The following INSYN2B variants were observed in gnomAD, a reference collection of about 807,000 sequenced individuals.
INSYN2B encodes protein INSYN2B.
Under a neutral mutation model 41.2 loss-of-function variants are expected in INSYN2B, and 16 were observed. The observed-to-expected ratio is 0.39, with a 90% CI of 0.26 to 0.59. INSYN2B has a LOEUF of 0.59. INSYN2B is among the 20% of genes least tolerant of loss of function. The probability of loss-of-function intolerance (pLI) is 0.57; values close to 1 mark genes in which losing one functional copy is unlikely to be tolerated. For synonymous variants in INSYN2B, 245 were observed against 244.4 expected (o/e 1.00, Z -0.02); for missense variants, 608 against 646.4 (o/e 0.94, Z 0.64).
In INSYN2B at chr5:169,895,594, T is replaced by C. The variant is rs550619994; in HGVS notation, c.-918-10778A>G. 7.9e-5 allele frequency among the ~76,000 whole-genome samples: 12 copies of C among 152,178 alleles called. No individual in the cohort carries two copies. The South Asian group carries it at 1.3e-3, about 16-fold the overall frequency. ...CCTTCGGTGCCCCATGCTTTCACCC[T>C]GACTCCAGCCACTGGGGGTTCCACC... On this transcript the variant is annotated intron_variant, in intron 1 of 3. Coordinates refer to ENST00000377365, the MANE Select transcript of INSYN2B (RefSeq NM_001129891.3).
chr5:169,863,976 G>A lies in INSYN2B; in HGVS notation c.*297C>T, dbSNP rs923259271. Among the ~76,000 whole-genome samples, 25 of 152,188 alleles carry A rather than the reference G, an allele frequency of 1.6e-4. No individual in the cohort carries two copies. Among genetic ancestry groups the A allele is most frequent in the African/African-American group, 5.8e-4 (24 of 41,430 alleles). ...GGTGTAGTGTGGGGTTTTGCTCGTGGTGGGAATCTGGTCTTAAAACTCAGC... is the reference window on the plus strand; with the variant it reads ...GGTGTAGTGTGGGGTTTTGCTCGTGATGGGAATCTGGTCTTAAAACTCAGC... On this transcript the variant is annotated 3_prime_UTR_variant, in exon 4 of 4. Transcript: ENST00000377365.
At chr5:169,965,497 G>T (rs1163745444) in intron 1 of INSYN2B, among the ~76,000 whole-genome samples, 1 of 152,220 alleles carries the variant, frequency 6.6e-6, no homozygotes, top group East Asian at 1.9e-4. Flanking sequence ...AGTCAGGTCA[G>T]CATGGCTCAT....
At chr5:169,880,739 A>G (rs1447587368) in intron 3 of INSYN2B, among the ~76,000 whole-genome samples, 1 of 152,218 alleles carries the variant, frequency 6.6e-6, no homozygotes, top group African/African-American at 2.4e-5. Flanking sequence ...GCCCAGATTA[A>G]GTTAGCTGAT....
intron 1 of INSYN2B, among the ~76,000 whole-genome samples, chr5:169,978,392 T>TGGGGGG (rs150934804): frequency 4.4e-5 from 1 of 22,734 alleles, no homozygotes; most frequent in African/African-American, 1.1e-4. Context: ...TGTGTGTGTG[T>TGGGGGG]GGGGGGGGGG....
At chr5:169,960,673 T>C (rs367736397) in intron 1 of INSYN2B, among the ~76,000 whole-genome samples, 2 of 152,234 alleles carry the variant, frequency 1.3e-5, no homozygotes, top group East Asian at 1.9e-4. Context: ...TTCGGGTCTC[T>C]ATATTGTTGT....
chr5:169,930,720 A>C (rs1775711642), intron 1 of INSYN2B, among the ~76,000 whole-genome samples: 2 of 152,232 alleles, frequency 1.3e-5, no homozygotes, highest in African/African-American at 4.8e-5. Flanking sequence ...CTCTCACTGC[A>C]GTCTACATCT....
At chr5:169,917,568 A>C (rs192464692) in intron 1 of INSYN2B, among the ~76,000 whole-genome samples, 7 of 152,320 alleles carry the variant, frequency 4.6e-5, no homozygotes, top group Non-Finnish European at 1.0e-4. Context: ...ATAAAATGAA[A>C]ATTGAATGTT....
At chr5:169,930,848 C>A (rs1379927598) in intron 1 of INSYN2B, among the ~76,000 whole-genome samples, 1 of 152,060 alleles carries the variant, frequency 6.6e-6, no homozygotes, top group Admixed American at 6.6e-5. Context: ...GGGGGTTGCA[C>A]TTCATTTTCT....
At chr5:169,957,575 C>T (rs919591299) in intron 1 of INSYN2B, among the ~76,000 whole-genome samples, 6 of 152,304 alleles carry the variant, frequency 3.9e-5, no homozygotes, top group African/African-American at 1.4e-4. Flanking sequence ...CCTTGGTCTG[C>T]CTCTTTCTAC....
At chr5:169,910,082 G>T (rs1039095080) in intron 1 of INSYN2B, among the ~76,000 whole-genome samples, 2 of 152,120 alleles carry the variant, frequency 1.3e-5, no homozygotes, top group Admixed American at 6.5e-5. Context: ...TGGCACCAAA[G>T]CCAGGCTTAT....
At chr5:169,934,280 CG>C (rs1345272218) in intron 1 of INSYN2B, among the ~76,000 whole-genome samples, 3 of 152,232 alleles carry the variant, frequency 2.0e-5, no homozygotes, top group Admixed American at 2.0e-4. Context: ...TGTATTTACC[CG>C]GGAAGACTTC....
At chr5:169,877,430 G>A (rs1772396196) in intron 3 of INSYN2B, among the ~76,000 whole-genome samples, 1 of 152,212 alleles carries the variant, frequency 6.6e-6, no homozygotes. Flanking sequence ...GAGTGAAGGG[G>A]TTGGATTGAG....
intron 1 of INSYN2B, among the ~76,000 whole-genome samples, chr5:169,969,557 T>C (rs941022813): frequency 6.6e-6 from 1 of 152,176 alleles, no homozygotes; most frequent in Non-Finnish European, 1.5e-5. Flanking sequence ...AGGTGGTATG[T>C]AGGAGAGTGG....
At chr5:169,914,541 A>T (rs1226421940) in intron 1 of INSYN2B, among the ~76,000 whole-genome samples, 2 of 152,328 alleles carry the variant, frequency 1.3e-5, no homozygotes, top group South Asian at 2.1e-4. Flanking sequence ...GAATGTTAAA[A>T]CTGGCAGATA....
At chr5:169,958,645 T>G (rs551036107) in intron 1 of INSYN2B, among the ~76,000 whole-genome samples, 1 of 152,216 alleles carries the variant, frequency 6.6e-6, no homozygotes, top group East Asian at 1.9e-4. Context: ...AGGAACAATG[T>G]CACATTTTAA....
intron 1 of INSYN2B, among the ~76,000 whole-genome samples, chr5:169,944,873 T>C (rs1415320863): frequency 1.3e-5 from 2 of 152,226 alleles, no homozygotes; most frequent in Non-Finnish European, 2.9e-5. Flanking sequence ...TTGCTCAGAA[T>C]GCTTCATTTT....
At chr5:169,893,756 C>T (rs1773430260) in intron 1 of INSYN2B, among the ~76,000 whole-genome samples, 1 of 152,202 alleles carries the variant, frequency 6.6e-6, no homozygotes, top group Admixed American at 6.5e-5. Flanking sequence ...CAGATTTACT[C>T]ATAGGGTACA....
chr5:169,884,230 G>A lies in INSYN2B; in HGVS notation c.-332C>T, dbSNP rs1289886820. On this transcript the variant is annotated 5_prime_UTR_variant, in exon 2 of 4. Coordinates refer to ENST00000377365, the MANE Select transcript of INSYN2B (RefSeq NM_001129891.3). ...GCGGTTTATCAAGGGAGGCTGGCAC[G>A]CGGTTCTGATCTTGGAAGAAGCTGG... The A allele has an allele frequency of 1.5e-5, 3 of 197,778 alleles. No homozygotes were observed. Among genetic ancestry groups the A allele is most frequent in the East Asian group, 1.2e-4 (1 of 8,224 alleles). 12.3% of individuals were successfully genotyped at this position (197,778 alleles called of 1,614,324 possible). A position where few individuals can be genotyped will look rare whatever the true frequency, so the allele number is the denominator to read the frequency against.
intron 1 of INSYN2B, among the ~76,000 whole-genome samples, chr5:169,904,388 A>C (rs1196595256): frequency 6.6e-6 from 1 of 152,176 alleles, no homozygotes; most frequent in Admixed American, 6.5e-5. Context: ...GTTCTCTCTA[A>C]ATCACCTACC....
Sources: gnomAD v4.1 joint callset for allele counts (sites outside exome capture counted in the v4.1 genomes callset) on GRCh38, gnomAD v4.1.1 for gene constraint, MANE v1.5 for transcripts, NCBI Gene and HGNC (gene_info 2026-07-23, HGNC 2026-07-21) for gene names.